SCAMP1: variants seen among roughly 807,000 people sequenced by gnomAD.
SCAMP1 encodes the protein secretory carrier membrane protein 1.
SCAMP1 carries 15 observed loss-of-function variants against 41.8 expected under a neutral mutation model. The ratio of observed to expected loss-of-function variants is 0.36; its 90% CI spans 0.24 to 0.55. The LOEUF is 0.55. Ranked by LOEUF, SCAMP1 falls within the 20% of genes least tolerant of loss-of-function variation. The pLI is 0.86. For synonymous variants in SCAMP1, 135 were observed against 136.8 expected (o/e 0.99, Z 0.09); for missense variants, 341 against 412.6 (o/e 0.83, Z 1.50).
chr5:78,394,341 TATATA>T (rs1751593025), intron 2 of SCAMP1, among the ~76,000 whole-genome samples: 1 of 151,188 alleles, frequency 6.6e-6, no homozygotes, highest in South Asian at 2.1e-4. Context: ...CTTTTTTTTA[TATATA>T]TATATATTAC....
intron 2 of SCAMP1, among the ~76,000 whole-genome samples, chr5:78,394,602 A>C (rs1751602523): frequency 6.6e-6 from 1 of 152,212 alleles, no homozygotes. Flanking sequence ...ATAATTGTAC[A>C]TAGTAGTTTA....
intron 2 of SCAMP1, among the ~76,000 whole-genome samples, chr5:78,391,707 C>G (rs927605520): frequency 1.3e-5 from 2 of 152,220 alleles, no homozygotes; most frequent in Non-Finnish European, 2.9e-5. Context: ...CGCACTCCAG[C>G]CTGGGCGCCA....
intron 8 of SCAMP1, among the ~76,000 whole-genome samples, chr5:78,462,362 C>T (rs987640317): frequency 6.6e-6 from 1 of 152,120 alleles, no homozygotes; most frequent in African/African-American, 2.4e-5. Context: ...CAGAATCTCA[C>T]TCTGTTGCCC....
At chr5:78,453,127 T>C (rs763667988) in intron 7 of SCAMP1, among the ~76,000 whole-genome samples, 35 of 151,014 alleles carry the variant, frequency 2.3e-4, no homozygotes, top group African/African-American at 7.4e-4. Context: ...TTCTCCCATT[T>C]TGTAGGTTGC....
At chr5:78,461,147 T>C (rs1753601373) in intron 8 of SCAMP1, among the ~76,000 whole-genome samples, 1 of 152,130 alleles carries the variant, frequency 6.6e-6, no homozygotes, top group South Asian at 2.1e-4. Context: ...ACGCCCAGCC[T>C]GTTTAGTGTT....
intron 1 of SCAMP1, among the ~76,000 whole-genome samples, chr5:78,385,973 G>A (rs951870789): frequency 6.6e-6 from 1 of 152,114 alleles, no homozygotes; most frequent in Non-Finnish European, 1.5e-5. Flanking sequence ...AAGTCTGGTT[G>A]TCCTAGGGTA....
At chr5:78,386,918 G>A (rs182001962) in intron 1 of SCAMP1, among the ~76,000 whole-genome samples, 104 of 152,244 alleles carry the variant, frequency 6.8e-4, no homozygotes, top group Non-Finnish European at 1.2e-3. Flanking sequence ...TAGATAACCT[G>A]ATGACTATGT....
At chr5:78,460,843 GTCTC>G (rs1753592486) in intron 8 of SCAMP1, among the ~76,000 whole-genome samples, 10 of 94,178 alleles carry the variant, frequency 1.1e-4, no homozygotes, top group Non-Finnish European at 1.8e-4. Context: ...TCCTCTATCT[GTCTC>G]TCTTTCTGTC....
At chr5:78,435,168 A>G (rs1469756945) in intron 6 of SCAMP1, among the ~76,000 whole-genome samples, 1 of 152,188 alleles carries the variant, frequency 6.6e-6, no homozygotes, top group Non-Finnish European at 1.5e-5. Flanking sequence ...ATAGAAAAGG[A>G]GAGCTTTATT....
intron 7 of SCAMP1, among the ~76,000 whole-genome samples, chr5:78,458,981 G>A (rs1753510420): frequency 6.6e-6 from 1 of 152,226 alleles, no homozygotes; most frequent in Non-Finnish European, 1.5e-5. Context: ...CTGGAGTTTG[G>A]TTTGCTTTTG....
intron 2 of SCAMP1, among the ~76,000 whole-genome samples, chr5:78,399,100 T>C (rs1451235339): frequency 1.3e-5 from 2 of 152,192 alleles, no homozygotes; most frequent in Non-Finnish European, 2.9e-5. Context: ...CTTTTTTCAC[T>C]TAGTAGTATG....
At chr5:78,423,684 T>TTTC (rs35171146) in intron 6 of SCAMP1, among the ~76,000 whole-genome samples, 4 of 151,542 alleles carry the variant, frequency 2.6e-5, no homozygotes, top group Non-Finnish European at 5.9e-5. Context: ...CTTTTTTTTT[T>TTTC]CCCCCATTTT....
rs772536603 is a variant in SCAMP1 at position 78,384,171 on chromosome 5, G to GTTTTTT, written c.58-4663_58-4658dup. Among the ~76,000 whole-genome samples, 26 of 68,834 alleles carry GTTTTTT rather than the reference G, an allele frequency of 3.8e-4. 1 individual carries two copies. Among genetic ancestry groups the GTTTTTT allele is most frequent in the African/African-American group, 1.0e-3 (20 of 19,930 alleles). The allele number at this position is 68,834 out of a possible 152,430, so 45.2% of individuals were successfully genotyped here. A position where few individuals can be genotyped will look rare whatever the true frequency, so the allele number is the denominator to read the frequency against. ...CCTCTTTGGTTAGGTATATTCCCAAGTTTTTTTTCTTTTTTTTTTTTTGCA... is the reference window on the plus strand; with the variant it reads ...CCTCTTTGGTTAGGTATATTCCCAAGTTTTTTTTTTTTTTCTTTTTTTTTTTTTGCA... On this transcript the variant is annotated intron_variant, in intron 1 of 8. Coordinates refer to ENST00000621999, the MANE Select transcript of SCAMP1 (RefSeq NM_004866.6).
At chr5:78,418,949 G>A (rs1330087086) in intron 5 of SCAMP1, 46 bp downstream of exon 5, 2 of 1,501,612 alleles carry the variant, frequency 1.3e-6, no homozygotes, top group African/African-American at 1.4e-5. Context: ...TTGTATTTTT[G>A]TTGTCAAAAT....
chr5:78,367,501 G>C (rs1177020110), intron 1 of SCAMP1, among the ~76,000 whole-genome samples: 1 of 152,192 alleles, frequency 6.6e-6, no homozygotes, highest in East Asian at 1.9e-4. Context: ...CTCTCTACTA[G>C]TAATAAATGG....
intron 5 of SCAMP1, among the ~76,000 whole-genome samples, chr5:78,419,824 T>A (rs146188325): frequency 6.6e-6 from 1 of 152,218 alleles, no homozygotes; most frequent in African/African-American, 2.4e-5. Context: ...TGTTTTGGAA[T>A]GTGAGAAGTG....
At chr5:78,427,718 A>G (rs996759573) in intron 6 of SCAMP1, among the ~76,000 whole-genome samples, 2 of 151,938 alleles carry the variant, frequency 1.3e-5, no homozygotes, top group South Asian at 4.2e-4. Context: ...TTGTCTTTTG[A>G]TTATTGCCAT....
At chr5:78,392,038 ACC>A (rs1368698590) in intron 2 of SCAMP1, among the ~76,000 whole-genome samples, 9 of 1,540 alleles carry the variant, frequency 5.8e-3, no homozygotes, top group East Asian at 0.018. Context: ...GGAGAGGGAG[ACC>A]GTGGAAAGAG....
intron 6 of SCAMP1, among the ~76,000 whole-genome samples, chr5:78,440,682 TC>T (rs1225645370): frequency 6.6e-6 from 1 of 152,184 alleles, no homozygotes; most frequent in Non-Finnish European, 1.5e-5. Context: ...AGGCAGTCCG[TC>T]CGTCCTCAGA....
Sources: allele counts gnomAD v4.1 joint callset (sites outside exome capture counted in the v4.1 genomes callset), GRCh38; gene constraint gnomAD v4.1.1; transcripts MANE v1.5; gene names NCBI Gene and HGNC (gene_info 2026-07-23, HGNC 2026-07-21).